PRKCH: variants seen among roughly 807,000 people sequenced by gnomAD.
The protein encoded by PRKCH is protein kinase C eta, also known as protein kinase C eta type.
PRKCH carries 28 observed loss-of-function variants against 82.5 expected under a neutral mutation model. The ratio of observed to expected loss-of-function variants is 0.34; its 90% CI spans 0.25 to 0.47. PRKCH has a LOEUF of 0.47. Among genes scored for constraint, PRKCH ranks in the 20% least tolerant of loss-of-function variants. The pLI is 1.00. For synonymous variants in PRKCH, 322 were observed against 327.4 expected, an observed-to-expected ratio of 0.98 and a Z score of 0.18; for missense variants, 705 against 881.8, an observed-to-expected ratio of 0.80 and a Z score of 2.54.
At chr14:61,355,815 C>T (rs981866513) in intron 1 of PRKCH, among the ~76,000 whole-genome samples, 2 of 152,154 alleles carry the variant, frequency 1.3e-5, no homozygotes, top group Non-Finnish European at 2.9e-5. Flanking sequence ...TCTAGCCAGT[C>T]TGGAAGATCT....
chr14:61,547,953 G>C (rs955829598), intron 13 of PRKCH, 67 bp downstream of exon 13: 7 of 1,569,692 alleles, frequency 4.5e-6, no homozygotes, highest in African/African-American at 1.3e-5. Context: ...ACCAAAGTCC[G>C]TAGAAGAGCT....
chr14:61,194,664 A>G (rs1463860644), intron 1 of PRKCH, among the ~76,000 whole-genome samples: 1 of 152,216 alleles, frequency 6.6e-6, no homozygotes, highest in East Asian at 1.9e-4. Context: ...TATTTTGGCT[A>G]TTGTTATTGT....
intron 1 of PRKCH, among the ~76,000 whole-genome samples, chr14:61,255,476 C>A (rs2044989018): frequency 1.3e-5 from 2 of 152,084 alleles, no homozygotes; most frequent in Non-Finnish European, 2.9e-5. Context: ...TTGTAAGGGT[C>A]CAATTGTGGA....
rs143609192 is a variant in PRKCH at position 61,203,813 on chromosome 14, C to G, written c.-19+16145C>G. The stretch of plus-strand genomic sequence containing the variant: ...CCATGTTCACACCACTGCACTCCAG[C>G]CTGGGAGACAAAGAGAGACCCCGTC... On this transcript the variant is annotated intron_variant, in intron 1 of 3. Transcript: ENST00000555185. 3.4e-3 allele frequency among the ~76,000 whole-genome samples: 520 copies of G among 152,018 alleles called. 3 individuals are homozygous for G. Among genetic ancestry groups the G allele is most frequent in the Non-Finnish European group, 5.6e-3 (382 of 67,992 alleles).
At chr14:61,469,432 G>A (rs1237268843) in intron 9 of PRKCH, among the ~76,000 whole-genome samples, 1 of 152,196 alleles carries the variant, frequency 6.6e-6, no homozygotes, top group Admixed American at 6.5e-5. Context: ...AACCTGATTG[G>A]CTGTGAGACT....
intron 1 of PRKCH, among the ~76,000 whole-genome samples, chr14:61,383,189 A>G (rs1476859399): frequency 6.6e-6 from 1 of 152,170 alleles, no homozygotes; most frequent in Non-Finnish European, 1.5e-5. Flanking sequence ...CCTTGGAGCC[A>G]TCTTGGAGTG....
intron 1 of PRKCH, among the ~76,000 whole-genome samples, chr14:61,286,842 G>A (rs2045320384): frequency 6.6e-6 from 1 of 152,032 alleles, no homozygotes; most frequent in South Asian, 2.1e-4. Flanking sequence ...AGTATAAAGT[G>A]AAAAATGGGA....
At chr14:61,427,315 A>G (rs778041462) in intron 2 of PRKCH, among the ~76,000 whole-genome samples, 3 of 152,170 alleles carry the variant, frequency 2.0e-5, no homozygotes, top group African/African-American at 7.2e-5. Context: ...GGAGGCTGAG[A>G]TTCTTATTAT....
At chr14:61,297,002 G>T (rs1456917988) in intron 1 of PRKCH, among the ~76,000 whole-genome samples, 1 of 152,092 alleles carries the variant, frequency 6.6e-6, no homozygotes, top group Admixed American at 6.5e-5. Flanking sequence ...TGTAGGCAAG[G>T]GCAGTTAACT....
chr14:61,497,753 T>C (rs1886733275), intron 10 of PRKCH, among the ~76,000 whole-genome samples: 1 of 152,096 alleles, frequency 6.6e-6, no homozygotes, highest in South Asian at 2.1e-4. Context: ...AGTGTCCTTT[T>C]CAGTATAAGA....
At chr14:61,402,212 G>A (rs147819488) in intron 2 of PRKCH, among the ~76,000 whole-genome samples, 14 of 152,268 alleles carry the variant, frequency 9.2e-5, no homozygotes, top group Admixed American at 4.6e-4. Flanking sequence ...TGGCCAGTAC[G>A]AGATGTTATA....
chr14:61,494,398 G>T (rs1207463942), intron 10 of PRKCH, among the ~76,000 whole-genome samples: 1 of 152,220 alleles, frequency 6.6e-6, no homozygotes, highest in Non-Finnish European at 1.5e-5. Context: ...TATAGAAAAA[G>T]ATCACTTACT....
Position 61,324,202 on chromosome 14 carries a change from G to T in PRKCH, c.363+1738G>T, listed in dbSNP as rs569827475. ...AGATGAGGACTTCTTGGTGTCATAA[G>T]TGTAGGAAGATCCACGTTATCTGAC... On this transcript the variant is annotated intron_variant, in intron 1 of 13. Transcript: ENST00000332981. 2.4e-4 allele frequency among the ~76,000 whole-genome samples: 36 copies of T among 152,338 alleles called. No homozygotes were observed. In the South Asian group the frequency reaches 4.1e-3, roughly 18 times the overall value.
chr14:61,313,648 C>T (rs969635965), intron 1 of PRKCH, among the ~76,000 whole-genome samples: 5 of 152,158 alleles, frequency 3.3e-5, no homozygotes, highest in Non-Finnish European at 5.9e-5. Context: ...TAATTGGACT[C>T]ATAGTTCCAT....
chr14:61,463,451 G>A (rs1885116219), intron 9 of PRKCH: 2 of 151,878 alleles, frequency 1.3e-5, no homozygotes. Context: ...TTGCTACAAA[G>A]GTTTATGAAC....
intron 1 of PRKCH, among the ~76,000 whole-genome samples, chr14:61,270,380 C>T (rs2045140812): frequency 6.6e-6 from 1 of 152,124 alleles, no homozygotes; most frequent in Non-Finnish European, 1.5e-5. Flanking sequence ...AATACAAAAG[C>T]CATCTCTCCA....
At chr14:61,334,786 T>G (rs1340105730) in intron 1 of PRKCH, among the ~76,000 whole-genome samples, 1 of 152,142 alleles carries the variant, frequency 6.6e-6, no homozygotes, top group Admixed American at 6.5e-5. Context: ...GTGTGAAGAT[T>G]AGATGAACTA....
Position 61,280,447 on chromosome 14 carries a change from T to G in PRKCH, c.-19+92779T>G. 6.2e-7 allele frequency: 1 copy of G among 1,613,818 alleles called. No individual in the cohort carries two copies. Among genetic ancestry groups the G allele is most frequent in the Non-Finnish European group, 8.5e-7 (1 of 1,179,826 alleles). On this transcript the variant is annotated intron_variant, in intron 1 of 3. Coordinates refer to the PRKCH transcript ENST00000555185. This position sits in a 1 kb window ranked among gnomAD's most constrained non-coding sequence, Gnocchi z 5.0. ...GTTGTTGGGGTCGGGGCTGAGCTCGTAGACTGGCCGGCGCCAGTTGGGCGG... is the reference window on the plus strand; with the variant it reads ...GTTGTTGGGGTCGGGGCTGAGCTCGGAGACTGGCCGGCGCCAGTTGGGCGG...
At chr14:61,213,082 G>C (rs373848541) in intron 1 of PRKCH, among the ~76,000 whole-genome samples, 1 of 152,168 alleles carries the variant, frequency 6.6e-6, no homozygotes, top group Admixed American at 6.5e-5. Context: ...CAGGCAGGAG[G>C]GGAGGAGGGC....
Sources: gnomAD v4.1 joint callset for allele counts (sites outside exome capture counted in the v4.1 genomes callset) on GRCh38, gnomAD v4.1.1 for gene constraint, Gnocchi (gnomAD v3.1) non-coding constraint, MANE v1.5 for transcripts, NCBI Gene and HGNC (gene_info 2026-07-23, HGNC 2026-07-21) for gene names.